Variants in PUM1 observed in about 807,000 individuals in gnomAD.
The protein encoded by PUM1 is pumilio homolog 1.
A neutral mutation model predicts 131.8 loss-of-function variants in PUM1; 13 were observed. That is an observed-to-expected ratio of 0.10 (90% confidence interval 0.06 to 0.16). The LOEUF is 0.16. Ranked by LOEUF, PUM1 falls within the 10% of genes least tolerant of loss-of-function variation. PUM1 has a pLI of 1.00. For synonymous variants in PUM1, 509 were observed against 556.5 expected (o/e 0.91, Z 1.20); for missense variants, 961 against 1,512.4 (o/e 0.64, Z 6.05).
intron 7 of PUM1, 35 bp downstream of exon 7, chr1:30,992,355 G>A: frequency 1.3e-6 from 2 of 1,595,498 alleles, no homozygotes; most frequent in Non-Finnish European, 1.7e-6. Context: ...TGGCTGGAGG[G>A]AGAGTAGAGA....
intron 1 of PUM1, 116 bp downstream of exon 1, chr1:31,065,500 G>T: frequency 7.8e-7 from 1 of 1,287,992 alleles, no homozygotes; most frequent in Non-Finnish European, 1.0e-6. Flanking sequence ...GGCCCCGGCG[G>T]CTTTTCCAAA....
intron 1 of PUM1, among the ~76,000 whole-genome samples, chr1:31,060,106 CG>C (rs1443883073): frequency 1.9e-4 from 28 of 151,188 alleles, no homozygotes; most frequent in African/African-American, 6.8e-4. Context: ...CCTCGGCCTC[CG>C]GAAGTGCTGG....
intron 2 of PUM1, among the ~76,000 whole-genome samples, chr1:31,038,529 C>T (rs1476465200): frequency 2.0e-5 from 3 of 152,106 alleles, no homozygotes; most frequent in Admixed American, 1.3e-4. Flanking sequence ...AAAATAATCC[C>T]TTGAGCGTCT....
intron 17 of PUM1, among the ~76,000 whole-genome samples, chr1:30,948,246 AATACTT>A (rs1466428391): frequency 6.6e-6 from 1 of 152,170 alleles, no homozygotes; most frequent in Non-Finnish European, 1.5e-5. Flanking sequence ...AAAGTCAAAG[AATACTT>A]ATAAACAAAA....
chr1:31,018,068 T>C (rs1642886468), intron 3 of PUM1, among the ~76,000 whole-genome samples: 1 of 152,122 alleles, frequency 6.6e-6, no homozygotes, highest in Non-Finnish European at 1.5e-5. Context: ...CTATATAATT[T>C]TACCAGGCGC....
At chr1:30,943,167 G>C (rs1351757141) in intron 18 of PUM1, among the ~76,000 whole-genome samples, 3 of 152,106 alleles carry the variant, frequency 2.0e-5, no homozygotes, top group Non-Finnish European at 2.9e-5. Flanking sequence ...TTGTAGTCTG[G>C]AGCAACTTGA....
rs527289933 is a variant in PUM1, at chr1:30,966,072, C to A, written c.1996G>T (p.Ala666Ser). ...QSSSLFSQGSAQPANTSLGFG... is the reference protein window; with the variant it reads ...QSSSLFSQGSSQPANTSLGFG... ...CCCAAGGATGTGTTGGCAGGCTGGG[C>A]AGAGCCCTGGGAGAAGAGGGAGCTG... The change falls in exon 13 of 22, where the codon GCC (alanine) becomes TCC (serine). Residue 666 changes from alanine to serine, a missense_variant. Transcript: ENST00000426105. 34 of 1,614,162 alleles carry A rather than the reference C, an allele frequency of 2.1e-5. No homozygotes were observed. The South Asian group carries it at 3.1e-4, about 15-fold the overall frequency.
chr1:30,944,597 C>T (rs1639591902), intron 18 of PUM1, among the ~76,000 whole-genome samples: 1 of 152,172 alleles, frequency 6.6e-6, no homozygotes, highest in Non-Finnish European at 1.5e-5. Context: ...TCAAACCAAC[C>T]TGGACTGCAT....
intron 3 of PUM1, among the ~76,000 whole-genome samples, chr1:31,025,060 T>C (rs577089884): frequency 6.6e-6 from 1 of 152,358 alleles, no homozygotes; most frequent in East Asian, 1.9e-4. Flanking sequence ...TTTAAATAAT[T>C]TGTGGCCTTG....
chr1:30,967,076 G>A, intron 12 of PUM1, 91 bp downstream of exon 12: 2 of 1,474,834 alleles, frequency 1.4e-6, no homozygotes, highest in Non-Finnish European at 1.9e-6. Flanking sequence ...ACTGAGAATT[G>A]CCAAAAGTTT....
chr1:30,976,402 T>C (rs1233881533), intron 9 of PUM1, among the ~76,000 whole-genome samples: 1 of 152,228 alleles, frequency 6.6e-6, no homozygotes, highest in African/African-American at 2.4e-5. Flanking sequence ...CTTGATTCAT[T>C]AACAGTAACC....
intron 14 of PUM1, among the ~76,000 whole-genome samples, chr1:30,962,870 T>C (rs1374827262): frequency 6.6e-6 from 1 of 152,084 alleles, no homozygotes; most frequent in East Asian, 1.9e-4. Context: ...TCTGGCTCTT[T>C]ATGAAAAAAA....
Position 31,037,630 on chromosome 1 carries a change from T to TA in PUM1, c.364-8767dup, listed in dbSNP as rs543863753. On this transcript the variant is annotated intron_variant, in intron 2 of 21. Coordinates refer to ENST00000426105, the MANE Select transcript of PUM1 (RefSeq NM_001020658.2). ...AGCTACTCAGCAGGCTGAGGCAGGATAACTGCTTGAACCAAGGAAGCGGCC... is the reference window on the plus strand; with the variant it reads ...AGCTACTCAGCAGGCTGAGGCAGGATAAACTGCTTGAACCAAGGAAGCGGCC... Among the ~76,000 whole-genome samples the TA allele has an allele frequency of 6.7e-5, 10 of 149,428 alleles. No homozygotes were observed. In the South Asian group the frequency reaches 2.1e-3, roughly 32 times the overall value.
intron 2 of PUM1, among the ~76,000 whole-genome samples, chr1:31,041,347 G>A (rs1347188132): frequency 6.6e-6 from 1 of 150,978 alleles, no homozygotes; most frequent in Non-Finnish European, 1.5e-5. Flanking sequence ...AAAGTGCTAG[G>A]ATTACAGGCA....
chr1:30,981,493 C>T, intron 7 of PUM1, 88 bp from the exon 8 acceptor site: 1 of 742,412 alleles, frequency 1.3e-6, no homozygotes, highest in Admixed American at 2.6e-5. Flanking sequence ...TTTTAATAAG[C>T]ACTTGTTTAG....
intron 15 of PUM1, 123 bp downstream of exon 15, chr1:30,953,591 C>T (rs897790224): frequency 9.4e-7 from 1 of 1,059,174 alleles, no homozygotes; most frequent in East Asian, 2.4e-5. Context: ...GTGATGCAAA[C>T]TAAGAGGCAC....
chr1:30,936,924 G>A (rs1639234328), intron 20 of PUM1, 89 bp from the exon 21 acceptor site: 1 of 1,109,836 alleles, frequency 9.0e-7, no homozygotes, highest in East Asian at 2.6e-5. Context: ...CTGACCTCCG[G>A]ACCAGCAGGG....
At chr1:31,048,353 T>G (rs1160514280) in intron 2 of PUM1, among the ~76,000 whole-genome samples, 3 of 151,838 alleles carry the variant, frequency 2.0e-5, no homozygotes. Flanking sequence ...CAAACACAAC[T>G]CTCCCTAACT....
At chr1:31,057,592 G>A (rs1416717942) in intron 2 of PUM1, among the ~76,000 whole-genome samples, 1 of 151,568 alleles carries the variant, frequency 6.6e-6, no homozygotes, top group African/African-American at 2.4e-5. Flanking sequence ...AGGTATGGAG[G>A]TGGGTGCCTG....
Sources: gnomAD v4.1 joint callset for allele counts (sites outside exome capture counted in the v4.1 genomes callset) on GRCh38, gnomAD v4.1.1 for gene constraint, MANE v1.5 for transcripts, NCBI Gene and HGNC (gene_info 2026-07-23, HGNC 2026-07-21) for gene names.